LCP2: variants seen among roughly 807,000 people sequenced by gnomAD.
The protein encoded by LCP2 is lymphocyte cytosolic protein 2.
Under a neutral mutation model 74.5 loss-of-function variants are expected in LCP2, and 29 were observed. The ratio of observed to expected loss-of-function variants is 0.39; its 90% CI spans 0.29 to 0.53. The LOEUF (loss-of-function observed/expected upper bound fraction) is 0.53, where lower values mean the gene tolerates loss of function less well. Among genes scored for constraint, LCP2 ranks in the 20% least tolerant of loss-of-function variants. The pLI, the probability that LCP2 is intolerant of heterozygous loss-of-function variation, is 0.72. For missense variants in LCP2, 604 were observed against 634.6 expected, an observed-to-expected ratio of 0.95 and a Z score of 0.52; for synonymous variants, 228 against 229.5, an observed-to-expected ratio of 0.99 and a Z score of 0.06.
At chr5:170,273,522 G>A (rs1261568784) in intron 6 of LCP2, among the ~76,000 whole-genome samples, 4 of 152,168 alleles carry the variant, frequency 2.6e-5, no homozygotes, top group Admixed American at 1.3e-4. Context: ...GAAGGCCCAC[G>A]TGACTGAGGG....
chr5:170,250,910 A>G lies in LCP2; in HGVS notation c.1324-25T>C, dbSNP rs759401598. The G allele has an allele frequency of 4.4e-6, 7 of 1,605,830 alleles. No individual in the cohort carries two copies. The South Asian group carries it at 6.6e-5, about 15-fold the overall frequency. ...CCTAAAAAGACAAATTCCTGTTATT[A>G]TGGGAGCAGTAAAAGTCAATATTTT... On this transcript the variant is annotated intron_variant, in intron 19 of 20. Transcript: ENST00000046794.
chr5:170,297,090 G>C (rs1456994909), intron 1 of LCP2, among the ~76,000 whole-genome samples: 1 of 152,152 alleles, frequency 6.6e-6, no homozygotes, highest in African/African-American at 2.4e-5. Flanking sequence ...AGTTACAACA[G>C]TTCTCTGCAT....
chr5:170,258,528 C>G, intron 15 of LCP2: 1 of 357,412 alleles, frequency 2.8e-6, no homozygotes, highest in East Asian at 4.4e-5. Context: ...TTTATGCTAT[C>G]TCATTCATTG....
At chr5:170,287,073 A>G (rs1401388268) in intron 3 of LCP2, among the ~76,000 whole-genome samples, 1 of 152,200 alleles carries the variant, frequency 6.6e-6, no homozygotes, top group Non-Finnish European at 1.5e-5. Context: ...TTGGGTCCAC[A>G]TTAGCTGGAG....
intron 20 of LCP2, among the ~76,000 whole-genome samples, chr5:170,250,468 T>G (rs1445277494): frequency 6.6e-6 from 1 of 152,242 alleles, no homozygotes; most frequent in Non-Finnish European, 1.5e-5. Flanking sequence ...TAGATTTTTT[T>G]AAGTTAACAT....
chr5:170,272,108 C>A (rs1260538477), intron 6 of LCP2, among the ~76,000 whole-genome samples: 2 of 152,154 alleles, frequency 1.3e-5, no homozygotes, highest in African/African-American at 2.4e-5. Context: ...CATGGAGGTC[C>A]GCAGGCACGT....
At chr5:170,262,910 A>T (rs756700317) in intron 11 of LCP2, 49 bp from the exon 12 acceptor site, 1 of 1,614,050 alleles carries the variant, frequency 6.2e-7, no homozygotes, top group Admixed American at 1.7e-5. Flanking sequence ...CTTTTCAAAG[A>T]ATAAGGACAA....
At chr5:170,260,640 C>T (rs898193696) in intron 14 of LCP2, among the ~76,000 whole-genome samples, 1 of 152,152 alleles carries the variant, frequency 6.6e-6, no homozygotes, top group Non-Finnish European at 1.5e-5. Flanking sequence ...TGACAGCATC[C>T]CTCGCAAACA....
At chr5:170,274,163 G>A in intron 6 of LCP2, 138 bp downstream of exon 6, 2 of 856,650 alleles carry the variant, frequency 2.3e-6, no homozygotes, top group African/African-American at 1.7e-5. Context: ...CCTGTGCAGA[G>A]CACCTTTTCT....
intron 13 of LCP2, 44 bp downstream of exon 13, chr5:170,262,591 C>T (rs756257152): frequency 6.9e-7 from 1 of 1,445,508 alleles, no homozygotes; most frequent in Non-Finnish European, 9.6e-7. Context: ...AGCCTGTCTG[C>T]CGGCCACTGT....
chr5:170,275,172 A>G (rs1761986178), intron 5 of LCP2, 148 bp downstream of exon 5: 1 of 829,770 alleles, frequency 1.2e-6, no homozygotes, highest in Non-Finnish European at 2.0e-6. Flanking sequence ...ATCTAGACCC[A>G]AACCCTTTTC....
chr5:170,297,395 C>T (rs940544819), intron 1 of LCP2, 139 bp downstream of exon 1: 6 of 689,168 alleles, frequency 8.7e-6, no homozygotes, highest in Admixed American at 5.5e-5. Flanking sequence ...ATGGCGCTCA[C>T]TCAACCAGTA....
At chr5:170,264,905 C>G (rs1320115797) in intron 10 of LCP2, among the ~76,000 whole-genome samples, 1 of 151,462 alleles carries the variant, frequency 6.6e-6, no homozygotes, top group Admixed American at 6.6e-5. Context: ...TGGGGTGGAA[C>G]CTCTACTTTA....
At chr5:170,275,897 T>C (rs1581068749) in intron 3 of LCP2, 37 bp from the exon 4 acceptor site, 1 of 1,516,022 alleles carries the variant, frequency 6.6e-7, no homozygotes. Context: ...GATAAAACCA[T>C]CACTCAGTCT....
At chr5:170,259,938 G>A (rs185189955) in intron 14 of LCP2, among the ~76,000 whole-genome samples, 4 of 152,312 alleles carry the variant, frequency 2.6e-5, no homozygotes, top group Admixed American at 1.3e-4. Context: ...TCCAGAGACA[G>A]GGAACCTGGA....
intron 2 of LCP2, 104 bp from the exon 3 acceptor site, chr5:170,288,120 T>C (rs547066410): frequency 8.2e-7 from 1 of 1,220,234 alleles, no homozygotes; most frequent in South Asian, 1.3e-5. Flanking sequence ...TGGTGGGGAC[T>C]GTGGCAAACA....
At chr5:170,274,718 T>G (rs1468532382) in intron 5 of LCP2, among the ~76,000 whole-genome samples, 2 of 152,202 alleles carry the variant, frequency 1.3e-5, no homozygotes, top group Non-Finnish European at 2.9e-5. Context: ...GCTGCTTTAC[T>G]GTAATCCTAG....
chr5:170,290,637 G>A (rs975747043), intron 2 of LCP2, among the ~76,000 whole-genome samples: 4 of 152,218 alleles, frequency 2.6e-5, no homozygotes, highest in African/African-American at 7.2e-5. Context: ...TGTTAGGACA[G>A]AAGCCACAGG....
rs193261511 is a variant in LCP2 at position 170,281,365 on chromosome 5, T to C, written c.189-5505A>G. ...CACGATCTTGGCTCACTGCAAGTTC[T>C]GCCTCCCGGGTTCACGCCATTCTCC... On this transcript the variant is annotated intron_variant, in intron 3 of 20. Transcript: ENST00000046794. 8.7e-3 allele frequency among the ~76,000 whole-genome samples: 1,330 copies of C among 152,156 alleles called. 24 individuals are homozygous for C. The highest frequency in any genetic ancestry group is 0.027 in the African/African-American group (1,137 of 41,508).
Sources: gnomAD v4.1 joint callset for allele counts (sites outside exome capture counted in the v4.1 genomes callset) on GRCh38, gnomAD v4.1.1 for gene constraint, MANE v1.5 for transcripts, NCBI Gene and HGNC (gene_info 2026-07-23, HGNC 2026-07-21) for gene names.